The following CSMD3 variants were observed in gnomAD, a reference collection of about 807,000 sequenced individuals.
CSMD3 encodes CUB and Sushi multiple domains 3.
A neutral mutation model predicts 435.2 loss-of-function variants in CSMD3; 177 were observed. The ratio of observed to expected loss-of-function variants is 0.41; its 90% confidence interval spans 0.36 to 0.46. CSMD3 has a LOEUF of 0.46. CSMD3 is among the 20% of genes least tolerant of loss of function. The pLI is 0.34. For missense variants in CSMD3, 4,265 were observed against 4,504.6 expected (o/e 0.95, Z 1.52); for synonymous variants, 1,656 against 1,520.5 (o/e 1.09, Z -2.07).
Position 113,340,893 on chromosome 8 carries a change from TG to T in CSMD3, c.179-26101del, listed in dbSNP as rs2094114222. Among the ~76,000 whole-genome samples the T allele has an allele frequency of 4.0e-5, 6 of 151,744 alleles. No individual in the cohort carries two copies. In the South Asian group the frequency reaches 1.2e-3, roughly 32 times the overall value. On this transcript the variant is annotated intron_variant, in intron 1 of 70. Transcript: ENST00000297405. ...CAAAAAAAAAAAAAAGGGAAATATTTGTCTACTCCACCAGTGCCAGAAGTAG... is the reference window on the plus strand; with the variant it reads ...CAAAAAAAAAAAAAAGGGAAATATTTTCTACTCCACCAGTGCCAGAAGTAG...
intron 13 of CSMD3, among the ~76,000 whole-genome samples, chr8:112,763,437 A>G (rs1353076470): frequency 1.3e-5 from 2 of 151,024 alleles, no homozygotes; most frequent in Non-Finnish European, 3.0e-5. Context: ...TTATCCTAAT[A>G]TATTTACTAG....
chr8:112,337,049 A>G (rs957010675), intron 43 of CSMD3, among the ~76,000 whole-genome samples: 8 of 152,170 alleles, frequency 5.3e-5, no homozygotes, highest in African/African-American at 1.7e-4. Context: ...AATTGTTATT[A>G]ATGATCACTA....
intron 59 of CSMD3, among the ~76,000 whole-genome samples, chr8:112,278,008 C>T (rs1202816617): frequency 1.3e-5 from 2 of 152,178 alleles, no homozygotes; most frequent in Non-Finnish European, 2.9e-5. Context: ...CATCCCTTCT[C>T]TCAAACCATT....
At position 112,517,058 on chromosome 8, in the gene CSMD3, G is replaced by T. The variant is rs1327164688; in HGVS notation, c.4732C>A (p.Gln1578Lys). Residue 1578 changes from glutamine to lysine, a missense_variant, in exon 28 of 71, where the codon CAG (glutamine) becomes AAG (lysine). Gln to Lys is a moderately conservative substitution (Grantham distance 53, BLOSUM62 1). Transcript: ENST00000297405. ...CCTATACAGACTGGTGGGCTGGGCT[G>T]CCAGAAGTACCGATTTTCTACCTGA... ...CIQVENRYFW[Q>K]PSPPVCIAPC... The T allele has an allele frequency of 6.2e-7, 1 of 1,613,202 alleles. No homozygotes were observed. The highest frequency in any genetic ancestry group is 1.3e-5 in the African/African-American group (1 of 74,854).
At chr8:113,041,293 C>T (rs940631739) in intron 5 of CSMD3, among the ~76,000 whole-genome samples, 3 of 151,616 alleles carry the variant, frequency 2.0e-5, no homozygotes, top group African/African-American at 7.3e-5. Context: ...CCTTGTACCC[C>T]TCTGTACATT....
At chr8:112,385,776 T>C (rs1485947332) in intron 36 of CSMD3, among the ~76,000 whole-genome samples, 1 of 151,776 alleles carries the variant, frequency 6.6e-6, no homozygotes, top group East Asian at 1.9e-4. Flanking sequence ...TTATTGAGAG[T>C]AGTGGGGTAG....
intron 12 of CSMD3, among the ~76,000 whole-genome samples, chr8:112,822,538 T>C (rs2079556265): frequency 6.6e-6 from 1 of 152,122 alleles, no homozygotes; most frequent in Non-Finnish European, 1.5e-5. Context: ...CTTACCAGCT[T>C]GAGGAGTTTT....
intron 1 of CSMD3, among the ~76,000 whole-genome samples, chr8:113,319,986 G>A (rs2093938215): frequency 6.6e-6 from 1 of 151,902 alleles, no homozygotes; most frequent in Non-Finnish European, 1.5e-5. Flanking sequence ...ATGCCTTACA[G>A]GTAAAATGAT....
chr8:113,252,997 T>C (rs1479613251), intron 3 of CSMD3, among the ~76,000 whole-genome samples: 1 of 152,126 alleles, frequency 6.6e-6, no homozygotes, highest in East Asian at 1.9e-4. Context: ...CAGGACAGAA[T>C]TTCTCCACTC....
At chr8:112,458,578 G>A (rs1003928733) in intron 32 of CSMD3, among the ~76,000 whole-genome samples, 3 of 152,102 alleles carry the variant, frequency 2.0e-5, no homozygotes, top group African/African-American at 7.2e-5. Context: ...TTTTGTCCAA[G>A]GAGTAGTTAT....
chr8:112,883,216 T>C (rs1343481504), intron 10 of CSMD3, among the ~76,000 whole-genome samples: 1 of 151,976 alleles, frequency 6.6e-6, no homozygotes, highest in African/African-American at 2.4e-5. Context: ...TTACATGAAA[T>C]CTTCGATTTT....
chr8:112,968,465 G>GA (rs763763379), intron 7 of CSMD3, among the ~76,000 whole-genome samples: 170 of 142,238 alleles, frequency 1.2e-3, no homozygotes, highest in East Asian at 1.4e-3. Context: ...ATCTATATTT[G>GA]AAAAAAAAAA....
At chr8:112,371,865 G>C (rs995344491) in intron 38 of CSMD3, among the ~76,000 whole-genome samples, 1 of 151,822 alleles carries the variant, frequency 6.6e-6, no homozygotes, top group Non-Finnish European at 1.5e-5. Flanking sequence ...ACTCCAGCCT[G>C]AGCGACAGAG....
intron 5 of CSMD3, among the ~76,000 whole-genome samples, chr8:113,089,006 T>C (rs996251573): frequency 6.6e-6 from 1 of 152,114 alleles, no homozygotes; most frequent in African/African-American, 2.4e-5. Flanking sequence ...GAGTCATGAC[T>C]CTGTCAGAGA....
chr8:113,020,265 CA>C (rs2086641669), intron 5 of CSMD3, among the ~76,000 whole-genome samples: 2 of 150,502 alleles, frequency 1.3e-5, no homozygotes, highest in African/African-American at 2.4e-5. Flanking sequence ...TATATCCAAA[CA>C]AATATAGTTG....
At chr8:112,982,504 T>A (rs2085090435) in intron 6 of CSMD3, among the ~76,000 whole-genome samples, 1 of 151,914 alleles carries the variant, frequency 6.6e-6, no homozygotes, top group Non-Finnish European at 1.5e-5. Context: ...ATTCTGGGCT[T>A]CCCCTAAACA....
At chr8:112,795,707 C>T (rs1366977833) in intron 13 of CSMD3, among the ~76,000 whole-genome samples, 2 of 152,130 alleles carry the variant, frequency 1.3e-5, no homozygotes, top group African/African-American at 4.8e-5. Context: ...ACCCTCTAGA[C>T]ATGTCATGTG....
intron 20 of CSMD3, among the ~76,000 whole-genome samples, chr8:112,639,538 T>C (rs2074759869): frequency 6.6e-6 from 1 of 152,156 alleles, no homozygotes; most frequent in African/African-American, 2.4e-5. Flanking sequence ...ATAGCCACAA[T>C]AATACCAACA....
chr8:112,657,655 A>G (rs1436629618), intron 17 of CSMD3, among the ~76,000 whole-genome samples: 2 of 152,176 alleles, frequency 1.3e-5, no homozygotes, highest in Non-Finnish European at 2.9e-5. Flanking sequence ...TAAACTGTGG[A>G]AAAATGTTTA....
Sources: allele counts gnomAD v4.1 joint callset (sites outside exome capture counted in the v4.1 genomes callset), GRCh38; gene constraint gnomAD v4.1.1; transcripts MANE v1.5; gene names NCBI Gene and HGNC (gene_info 2026-07-23, HGNC 2026-07-21).